Variants in METTL8 observed in about 807,000 individuals in gnomAD.
The protein encoded by METTL8 is methyltransferase 8, tRNA N3-cytidine.
In METTL8, 32 loss-of-function variants were observed where a neutral mutation model predicts 48.7. That is an observed-to-expected ratio of 0.66 (90% CI 0.50 to 0.88). The LOEUF (loss-of-function observed/expected upper bound fraction) is 0.88, where lower values mean the gene tolerates loss of function less well. Among genes scored for constraint, METTL8 ranks in the 40% least tolerant of loss-of-function variants. The probability of loss-of-function intolerance (pLI) is 0.00; values close to 1 mark genes in which losing one functional copy is unlikely to be tolerated. For synonymous variants in METTL8, 136 were observed against 157.1 expected (o/e 0.87, Z 1.01); for missense variants, 464 against 474.4 (o/e 0.98, Z 0.20).
Position 171,320,341 on chromosome 2 carries a change from T to C in METTL8, c.*3831A>G, listed in dbSNP as rs1331298191. On this transcript the variant is annotated 3_prime_UTR_variant, in exon 10 of 10. Transcript: ENST00000375258. ...TTTGTGTCTCACAGTCCAAATTTGGTTGATGTATTTTTGAAGCTTCTAAAG... is the reference window on the plus strand; with the variant it reads ...TTTGTGTCTCACAGTCCAAATTTGGCTGATGTATTTTTGAAGCTTCTAAAG... 1 of 152,050 alleles carries C rather than the reference T, an allele frequency of 6.6e-6. No homozygotes were observed. The highest frequency in any genetic ancestry group is 1.5e-5 in the Non-Finnish European group (1 of 67,996). 9.4% of individuals were successfully genotyped at this position (152,050 alleles called of 1,614,324 possible).
intron 2 of METTL8, among the ~76,000 whole-genome samples, chr2:171,390,156 C>A (rs1489368151): frequency 1.3e-5 from 2 of 152,168 alleles, no homozygotes; most frequent in African/African-American, 4.8e-5. Context: ...GCCTGGATGA[C>A]AACACATCTG....
chr2:171,412,512 T>TAC (rs1460027891), intron 1 of METTL8, among the ~76,000 whole-genome samples: 1 of 152,140 alleles, frequency 6.6e-6, no homozygotes, highest in African/African-American at 2.4e-5. Context: ...TGGGGAACCC[T>TAC]ACCCCCCTTT....
At chr2:171,413,891 G>A (rs1007690625) in intron 1 of METTL8, among the ~76,000 whole-genome samples, 1 of 152,096 alleles carries the variant, frequency 6.6e-6, no homozygotes, top group African/African-American at 2.4e-5. Context: ...TGAACTGAGA[G>A]ACCTTTCCTG....
intron 1 of METTL8, among the ~76,000 whole-genome samples, chr2:171,430,963 C>G (rs1178992721): frequency 6.6e-6 from 1 of 152,146 alleles, no homozygotes; most frequent in Non-Finnish European, 1.5e-5. Flanking sequence ...ACAAACCAAT[C>G]AGCATGCACT....
intron 2 of METTL8, 65 bp downstream of exon 2, chr2:171,391,978 G>C (rs1688618845): frequency 1.4e-6 from 2 of 1,453,884 alleles, no homozygotes; most frequent in Non-Finnish European, 1.8e-6. Flanking sequence ...AATTCTAAAT[G>C]AAAATAATAC....
At chr2:171,328,378 T>C (rs1053117778) in intron 7 of METTL8, among the ~76,000 whole-genome samples, 1 of 152,242 alleles carries the variant, frequency 6.6e-6, no homozygotes, top group Non-Finnish European at 1.5e-5. Context: ...AGACTCAAGG[T>C]CTAGCCAAAT....
At chr2:171,403,724 AG>A (rs946832480) in intron 1 of METTL8, among the ~76,000 whole-genome samples, 2 of 152,006 alleles carry the variant, frequency 1.3e-5, no homozygotes, top group African/African-American at 4.8e-5. Flanking sequence ...TAAATCTAAA[AG>A]TGTTCTAAAA....
intron 3 of METTL8, among the ~76,000 whole-genome samples, chr2:171,347,228 T>C (rs1181506589): frequency 1.3e-5 from 2 of 152,200 alleles, no homozygotes; most frequent in East Asian, 3.8e-4. Flanking sequence ...CTGGACATAC[T>C]AATAAGCAAA....
rs1684273061 is a variant in METTL8 at position 171,316,532 on chromosome 2, C to T, written c.*7640G>A. Reference sequence around the variant, plus strand: ...AGCTTTGTCTCACTAATCTCCAGAGCCCAGGTGTTCTATTAAGAAACAAAG... The same window carrying T: ...AGCTTTGTCTCACTAATCTCCAGAGTCCAGGTGTTCTATTAAGAAACAAAG... On this transcript the variant is annotated 3_prime_UTR_variant, in exon 10 of 10. Coordinates refer to ENST00000375258, the MANE Select transcript of METTL8 (RefSeq NM_001321154.2). Among the ~76,000 whole-genome samples the T allele has an allele frequency of 6.6e-6, 1 of 152,126 alleles. No individual in the cohort carries two copies. Among genetic ancestry groups the T allele is most frequent in the South Asian group, 2.1e-4 (1 of 4,824 alleles).
chr2:171,349,788 A>G (rs1465958735), intron 3 of METTL8, among the ~76,000 whole-genome samples: 1 of 152,056 alleles, frequency 6.6e-6, no homozygotes, highest in African/African-American at 2.4e-5. Flanking sequence ...CCAACAATAC[A>G]CAAGGGCTCC....
rs2105377979 is a variant in METTL8 at position 171,322,798 on chromosome 2, A to T, written c.*1374T>A. The T allele has an allele frequency of 1.3e-5, 2 of 152,208 alleles. No individual in the cohort carries two copies. The highest frequency in any genetic ancestry group is 3.4e-3 in the Middle Eastern group (1 of 296). The allele number at this position is 152,208 out of a possible 1,614,324, so 9.4% of individuals were successfully genotyped here. On this transcript the variant is annotated 3_prime_UTR_variant, in exon 10 of 10. Coordinates refer to ENST00000375258, the MANE Select transcript of METTL8 (RefSeq NM_001321154.2). The stretch of plus-strand genomic sequence containing the variant: ...TAAAGAATGGCTACTCCATAGGCAG[A>T]GCAGCCCCAAGGGCTACTGGTTGCC...
At chr2:171,376,753 T>C (rs1291670024) in intron 2 of METTL8, among the ~76,000 whole-genome samples, 2 of 152,164 alleles carry the variant, frequency 1.3e-5, no homozygotes, top group African/African-American at 4.8e-5. Flanking sequence ...GTACAATCAA[T>C]ATTGTAAAAA....
At chr2:171,420,866 T>G (rs913782720) in intron 1 of METTL8, among the ~76,000 whole-genome samples, 1 of 152,192 alleles carries the variant, frequency 6.6e-6, no homozygotes, top group Non-Finnish European at 1.5e-5. Context: ...AATCAAAACT[T>G]TTAGTGACTG....
chr2:171,391,215 A>G (rs186851410), intron 2 of METTL8, among the ~76,000 whole-genome samples: 134 of 152,332 alleles, frequency 8.8e-4, no homozygotes, highest in African/African-American at 3.0e-3. Flanking sequence ...GCAAGAAATT[A>G]CTTTTTAATT....
At chr2:171,398,791 T>A (rs531010214) in intron 1 of METTL8, among the ~76,000 whole-genome samples, 8 of 152,236 alleles carry the variant, frequency 5.3e-5, no homozygotes, top group African/African-American at 1.9e-4. Flanking sequence ...TATATGTACA[T>A]TAAAACATCT....
chr2:171,352,114 T>C (rs11744258), intron 3 of METTL8, among the ~76,000 whole-genome samples: 3 of 152,230 alleles, frequency 2.0e-5, no homozygotes, highest in Non-Finnish European at 4.4e-5. Context: ...ATAGCTCTTA[T>C]TATTTTGAGA....
At chr2:171,329,509 C>T (rs1685306171) in intron 7 of METTL8, among the ~76,000 whole-genome samples, 1 of 152,134 alleles carries the variant, frequency 6.6e-6, no homozygotes, top group Admixed American at 6.6e-5. Flanking sequence ...CTGAACAATG[C>T]CTACAGTCTA....
At chr2:171,419,384 A>G (rs899991665) in intron 1 of METTL8, among the ~76,000 whole-genome samples, 1 of 152,058 alleles carries the variant, frequency 6.6e-6, no homozygotes, top group African/African-American at 2.4e-5. Flanking sequence ...ACTAGCTCCA[A>G]CTCTAATCTA....
At chr2:171,404,770 C>A (rs73022911) in intron 1 of METTL8, among the ~76,000 whole-genome samples, 6,888 of 152,130 alleles carry the variant, frequency 0.045, 516 homozygotes, top group African/African-American at 0.15. Flanking sequence ...GCATGTGTAG[C>A]ATTTAAAATC....
Sources: gnomAD v4.1 joint callset for allele counts (sites outside exome capture counted in the v4.1 genomes callset) on GRCh38, gnomAD v4.1.1 for gene constraint, MANE v1.5 for transcripts, NCBI Gene and HGNC (gene_info 2026-07-23, HGNC 2026-07-21) for gene names.